The following GSG1L variants were observed in gnomAD, a reference collection of about 807,000 sequenced individuals.
GSG1L encodes the protein germ cell-specific gene 1-like protein.
GSG1L carries 24 observed loss-of-function variants against 42.1 expected under a neutral mutation model. The ratio of observed to expected loss-of-function variants is 0.57; its 90% CI spans 0.41 to 0.80. The LOEUF (loss-of-function observed/expected upper bound fraction) is 0.80, where lower values mean the gene tolerates loss of function less well. Ranked by LOEUF, GSG1L falls within the 30% of genes least tolerant of loss-of-function variation. The pLI is 0.00. For missense variants in GSG1L, 445 were observed against 472.2 expected (o/e 0.94, Z 0.53); for synonymous variants, 215 against 203.5 (o/e 1.06, Z -0.48).
intron 1 of GSG1L, among the ~76,000 whole-genome samples, chr16:27,985,579 C>T (rs549493770): frequency 1.1e-4 from 16 of 152,186 alleles, no homozygotes; most frequent in Non-Finnish European, 2.2e-4. Flanking sequence ...CACGGTGGCT[C>T]ATGCCTGTAA....
intron 2 of GSG1L, among the ~76,000 whole-genome samples, chr16:27,940,550 G>T (rs8063965): frequency 0.68 from 82,134 of 121,548 alleles, 27,932 homozygotes; most frequent in Middle Eastern, 0.73. Context: ...CATGTCCTTT[G>T]TAGGGACATG....
At chr16:27,973,036 G>T (rs868711473) in intron 1 of GSG1L, among the ~76,000 whole-genome samples, 1 of 152,198 alleles carries the variant, frequency 6.6e-6, no homozygotes, top group Non-Finnish European at 1.5e-5. Context: ...TTCCTGCCAT[G>T]TGAGTCCTCC....
At chr16:27,905,900 A>G (rs369110927) in intron 2 of GSG1L, among the ~76,000 whole-genome samples, 3 of 152,006 alleles carry the variant, frequency 2.0e-5, no homozygotes, top group Admixed American at 2.0e-4. Context: ...GACCAAAAGG[A>G]TCCTGGCTTT....
chr16:27,947,179 T>G (rs180705954), intron 2 of GSG1L, among the ~76,000 whole-genome samples: 77 of 152,240 alleles, frequency 5.1e-4, no homozygotes, highest in African/African-American at 1.7e-3. Context: ...CAGGCTGGAG[T>G]GCAGTGGTGC....
intron 1 of GSG1L, among the ~76,000 whole-genome samples, chr16:27,977,559 C>CAAAAA (rs34588077): frequency 6.7e-5 from 3 of 44,942 alleles, no homozygotes; most frequent in African/African-American, 9.4e-5. Context: ...CACCCTGCCT[C>CAAAAA]AAAAAAAAAA....
chr16:27,871,492 A>G (rs979390257), intron 3 of GSG1L, among the ~76,000 whole-genome samples: 2 of 152,038 alleles, frequency 1.3e-5, no homozygotes, highest in African/African-American at 4.8e-5. Context: ...AAATACAAAC[A>G]ATAGCCAGGT....
chr16:27,857,296 TG>T (rs2083591099), intron 3 of GSG1L, among the ~76,000 whole-genome samples: 1 of 149,816 alleles, frequency 6.7e-6, no homozygotes, highest in Admixed American at 6.7e-5. Context: ...AGAGTGGTGG[TG>T]GGCACCTGTA....
chr16:27,909,353 C>CTTT (rs2084354710), intron 2 of GSG1L, among the ~76,000 whole-genome samples: 1 of 148,492 alleles, frequency 6.7e-6, no homozygotes, highest in Non-Finnish European at 1.5e-5. Flanking sequence ...TTCTTTCTTT[C>CTTT]TTTTTTCTTT....
At chr16:27,967,093 AAGAGAC>A (rs1230937061) in intron 1 of GSG1L, among the ~76,000 whole-genome samples, 1 of 152,180 alleles carries the variant, frequency 6.6e-6, no homozygotes, top group Non-Finnish European at 1.5e-5. Flanking sequence ...GGTCCCAACA[AAGAGAC>A]AGATTGGGTC....
chr16:27,966,214 C>T (rs2085131530), intron 1 of GSG1L, among the ~76,000 whole-genome samples: 1 of 152,210 alleles, frequency 6.6e-6, no homozygotes, highest in Admixed American at 6.5e-5. Context: ...AATGTCCCTC[C>T]CCTGACACTC....
rs79041863 is a variant in GSG1L, at chr16:28,032,795, G to T, written c.349+30281C>A. Reference sequence around the variant, plus strand: ...TCCAATTTGTCAGCAGATCCTATTGGCTCTTCCTTCAAACAATATCCTGAG... The same window carrying T: ...TCCAATTTGTCAGCAGATCCTATTGTCTCTTCCTTCAAACAATATCCTGAG... On this transcript the variant is annotated intron_variant, in intron 1 of 6. Transcript: ENST00000447459. 2.1e-3 allele frequency among the ~76,000 whole-genome samples: 320 copies of T among 152,066 alleles called. 1 individual carries two copies. The highest frequency in any genetic ancestry group is 7.0e-3 in the African/African-American group (289 of 41,462).
At chr16:27,981,312 A>G (rs905017437) in intron 1 of GSG1L, among the ~76,000 whole-genome samples, 9 of 152,200 alleles carry the variant, frequency 5.9e-5, no homozygotes, top group Non-Finnish European at 4.4e-5. Flanking sequence ...CTGGGCGGGC[A>G]GAGAAGAATC....
rs559642024 is a variant in GSG1L at position 28,046,972 on chromosome 16, C to T, written c.349+16104G>A. 1.2e-4 allele frequency among the ~76,000 whole-genome samples: 19 copies of T among 152,298 alleles called. No individual in the cohort carries two copies. In the South Asian group the frequency reaches 3.1e-3, roughly 25 times the overall value. ...ACACATGCACATGAGCACAAACACA[C>T]AACTGGAAGTTCCATGAGGACAGGA... On this transcript the variant is annotated intron_variant, in intron 1 of 6. Transcript: ENST00000447459.
At chr16:28,048,707 C>T (rs2086190953) in intron 1 of GSG1L, among the ~76,000 whole-genome samples, 1 of 152,226 alleles carries the variant, frequency 6.6e-6, no homozygotes, top group African/African-American at 2.4e-5. Flanking sequence ...TTTTAAAGCA[C>T]TGCACTCATA....
chr16:27,894,907 G>A (rs1434564798), intron 2 of GSG1L, among the ~76,000 whole-genome samples: 4 of 152,160 alleles, frequency 2.6e-5, no homozygotes, highest in Non-Finnish European at 5.9e-5. Flanking sequence ...GGTTCTATTA[G>A]AGGCATGAGG....
intron 1 of GSG1L, among the ~76,000 whole-genome samples, chr16:28,026,232 C>T (rs190278364): frequency 1.3e-5 from 2 of 152,242 alleles, no homozygotes; most frequent in East Asian, 3.9e-4. Flanking sequence ...GGTCCAGCAC[C>T]CGGTATATCA....
chr16:28,043,921 C>A (rs1482852482), intron 1 of GSG1L, among the ~76,000 whole-genome samples: 1 of 151,752 alleles, frequency 6.6e-6, no homozygotes, highest in Non-Finnish European at 1.5e-5. Flanking sequence ...ACTCAGGAGG[C>A]TGAGATGGGA....
At chr16:27,920,856 C>G (rs2084516252) in intron 2 of GSG1L, among the ~76,000 whole-genome samples, 1 of 152,190 alleles carries the variant, frequency 6.6e-6, no homozygotes. Context: ...GGCTTCACGG[C>G]TGCAGTGGCC....
At chr16:27,903,155 C>T (rs1350128404) in intron 2 of GSG1L, among the ~76,000 whole-genome samples, 2 of 152,024 alleles carry the variant, frequency 1.3e-5, no homozygotes, top group East Asian at 1.9e-4. Flanking sequence ...ACCCAGGGGG[C>T]GGGAGCCTGG....
Sources: allele counts gnomAD v4.1 joint callset (sites outside exome capture counted in the v4.1 genomes callset), GRCh38; gene constraint gnomAD v4.1.1; transcripts MANE v1.5; gene names NCBI Gene and HGNC (gene_info 2026-07-23, HGNC 2026-07-21).